NLGN1: variants seen among roughly 807,000 people sequenced by gnomAD.
The protein encoded by NLGN1 is neuroligin 1, also known as neuroligin-1.
In NLGN1, 12 loss-of-function variants were observed where a neutral mutation model predicts 65.5. The ratio of observed to expected loss-of-function variants is 0.18; its 90% CI spans 0.12 to 0.30. The LOEUF is 0.30. NLGN1 is among the 10% of genes least tolerant of loss of function. NLGN1 has a pLI of 1.00. For missense variants in NLGN1, 750 were observed against 1,007.1 expected (o/e 0.74, Z 3.46); for synonymous variants, 350 against 359.5 (o/e 0.97, Z 0.30).
chr3:173,605,565 G>A (rs1249237299), intron 3 of NLGN1: 1 of 1,287,316 alleles, frequency 7.8e-7, no homozygotes, highest in Non-Finnish European at 1.0e-6. Flanking sequence ...GTGCCAGAAA[G>A]CCCGGCAAGA....
chr3:173,802,742 C>A (rs1011904781), intron 3 of NLGN1, among the ~76,000 whole-genome samples: 2 of 152,152 alleles, frequency 1.3e-5, no homozygotes, highest in Admixed American at 1.3e-4. Flanking sequence ...CCCAGTTCCC[C>A]TCCACCTATG....
chr3:173,690,083 C>G (rs1765244660), intron 3 of NLGN1, among the ~76,000 whole-genome samples: 1 of 152,142 alleles, frequency 6.6e-6, no homozygotes, highest in Non-Finnish European at 1.5e-5. Context: ...TAATCATTTA[C>G]TTACTGACAG....
chr3:174,231,528 T>TGAAGC (rs1740706165), intron 4 of NLGN1, among the ~76,000 whole-genome samples: 1 of 152,300 alleles, frequency 6.6e-6, no homozygotes, highest in South Asian at 2.1e-4. Flanking sequence ...TGTCTGACTA[T>TGAAGC]TAAGCTAGGG....
intron 4 of NLGN1, among the ~76,000 whole-genome samples, chr3:174,215,758 CT>C (rs1181380688): frequency 6.6e-6 from 1 of 152,110 alleles, no homozygotes; most frequent in Non-Finnish European, 1.5e-5. Flanking sequence ...CTGTGGAAAT[CT>C]AACAGAAGGG....
intron 2 of NLGN1, among the ~76,000 whole-genome samples, chr3:173,549,239 A>T (rs1308859035): frequency 6.6e-6 from 1 of 152,038 alleles, no homozygotes; most frequent in Non-Finnish European, 1.5e-5. Flanking sequence ...CTTTTCACTC[A>T]TACTTACCTG....
chr3:173,995,059 C>T (rs1721982490), intron 4 of NLGN1, among the ~76,000 whole-genome samples: 1 of 152,156 alleles, frequency 6.6e-6, no homozygotes, highest in Admixed American at 6.5e-5. Flanking sequence ...ATTCATTTTT[C>T]CTGCTGCTAG....
At chr3:173,744,111 C>G (rs1247054432) in intron 3 of NLGN1, among the ~76,000 whole-genome samples, 1 of 151,974 alleles carries the variant, frequency 6.6e-6, no homozygotes, top group Non-Finnish European at 1.5e-5. Context: ...CCAAACTAAT[C>G]AACATTTATA....
intron 4 of NLGN1, among the ~76,000 whole-genome samples, chr3:173,948,860 G>T (rs1747681646): frequency 6.6e-6 from 1 of 151,972 alleles, no homozygotes; most frequent in South Asian, 2.1e-4. Context: ...AAATTTAGTG[G>T]CAACCCAGAC....
chr3:173,537,049 G>A (rs549142077), intron 2 of NLGN1, among the ~76,000 whole-genome samples: 2 of 152,284 alleles, frequency 1.3e-5, no homozygotes, highest in African/African-American at 4.8e-5. Context: ...GGCCTACAGT[G>A]GATTGGATGA....
At chr3:173,493,057 A>G (rs1013851749) in intron 2 of NLGN1, among the ~76,000 whole-genome samples, 1 of 151,862 alleles carries the variant, frequency 6.6e-6, no homozygotes, top group African/African-American at 2.4e-5. Context: ...AGCTGCACTT[A>G]TTGAATTCAC....
chr3:174,286,137 T>C (rs1433707197), exon 7 of NLGN1: 1 of 151,420 alleles, frequency 6.6e-6, no homozygotes. Context: ...TCTAGTCAGC[T>C]ATTACGTACA....
intron 3 of NLGN1, among the ~76,000 whole-genome samples, chr3:173,696,321 T>C (rs781277938): frequency 2.6e-5 from 4 of 152,346 alleles, no homozygotes; most frequent in Middle Eastern, 3.4e-3. Flanking sequence ...CTCCAATGTC[T>C]ACCTTAGCAC....
At chr3:173,585,287 G>A (rs1396754363) in intron 2 of NLGN1, among the ~76,000 whole-genome samples, 3 of 152,116 alleles carry the variant, frequency 2.0e-5, no homozygotes, top group African/African-American at 7.2e-5. Flanking sequence ...GTTGGGAGAC[G>A]CTTCCCAGAT....
chr3:173,780,255 T>A (rs1296325124), intron 3 of NLGN1, among the ~76,000 whole-genome samples: 1 of 152,240 alleles, frequency 6.6e-6, no homozygotes, highest in Non-Finnish European at 1.5e-5. Flanking sequence ...ATATATTTAA[T>A]GATGATGCAT....
intron 4 of NLGN1, among the ~76,000 whole-genome samples, chr3:174,262,433 A>C (rs1343603161): frequency 7.4e-6 from 1 of 135,336 alleles, no homozygotes; most frequent in Non-Finnish European, 1.6e-5. Flanking sequence ...TGTGTCAAGG[A>C]ATGTATCCAT....
chr3:173,463,716 T>G (rs1255654607), intron 2 of NLGN1, among the ~76,000 whole-genome samples: 1 of 152,122 alleles, frequency 6.6e-6, no homozygotes, highest in African/African-American at 2.4e-5. Flanking sequence ...CTTCTAATAC[T>G]TCAAGCAAAA....
chr3:173,524,128 A>G (rs1311348618), intron 2 of NLGN1, among the ~76,000 whole-genome samples: 1 of 150,744 alleles, frequency 6.6e-6, no homozygotes, highest in African/African-American at 2.4e-5. Context: ...GGGTTTCACC[A>G]TGTTAGCCAG....
intron 4 of NLGN1, among the ~76,000 whole-genome samples, chr3:174,115,832 A>G (rs941411362): frequency 6.6e-6 from 1 of 152,166 alleles, no homozygotes; most frequent in Non-Finnish European, 1.5e-5. Flanking sequence ...CTGAGCTTTA[A>G]TGCTTTATTT....
intron 4 of NLGN1, among the ~76,000 whole-genome samples, chr3:174,069,901 G>A (rs1739445434): frequency 6.6e-6 from 1 of 152,178 alleles, no homozygotes; most frequent in South Asian, 2.1e-4. Context: ...TGGGTTGAGT[G>A]ACTTAAGCAT....
Sources: allele counts gnomAD v4.1 joint callset (sites outside exome capture counted in the v4.1 genomes callset), GRCh38; gene constraint gnomAD v4.1.1; transcripts MANE v1.5; gene names NCBI Gene and HGNC (gene_info 2026-07-23, HGNC 2026-07-21).